The following SLC5A4 variants were observed in gnomAD, a reference collection of about 807,000 sequenced individuals.
The protein encoded by SLC5A4 is solute carrier family 5 member 4.
In SLC5A4, 55 loss-of-function variants were observed where a neutral mutation model predicts 70.3. The ratio of observed to expected loss-of-function variants is 0.78; its 90% CI spans 0.63 to 0.98. The LOEUF (loss-of-function observed/expected upper bound fraction) is 0.98, where lower values mean the gene tolerates loss of function less well. Ranked by LOEUF, SLC5A4 falls within the 50% of genes least tolerant of loss-of-function variation. SLC5A4 has a pLI of 0.00. For missense variants in SLC5A4, 735 were observed against 839.2 expected (o/e 0.88, Z 1.53); for synonymous variants, 268 against 305.7 (o/e 0.88, Z 1.29).
chr22:32,301,745 T>A, the SLC5A4 span, among the ~76,000 whole-genome samples: 2 of 152,098 alleles, frequency 1.3e-5, no homozygotes, highest in African/African-American at 4.8e-5. Flanking sequence ...AGACTCAGAC[T>A]TCCCAGTTTT....
the SLC5A4 span, among the ~76,000 whole-genome samples, chr22:32,293,050 A>G: frequency 6.6e-6 from 1 of 152,140 alleles, no homozygotes; most frequent in Non-Finnish European, 1.5e-5. Context: ...AATACTTCTC[A>G]TCTTTAAGTA....
the SLC5A4 span, chr22:32,269,741 G>T: frequency 1.6e-6 from 1 of 636,376 alleles, no homozygotes. The surrounding 1 kb of genome is among the most constrained non-coding windows in gnomAD (Gnocchi z 4.1). Context: ...CAGCTTTCCC[G>T]CTGTGCACCC....
the SLC5A4 span, among the ~76,000 whole-genome samples, chr22:32,286,400 G>A: frequency 6.6e-6 from 1 of 152,172 alleles, no homozygotes; most frequent in African/African-American, 2.4e-5. Context: ...TCACTGCAGG[G>A]AGGCTCTGTG....
the SLC5A4 span, among the ~76,000 whole-genome samples, chr22:32,296,427 T>C: frequency 2.6e-5 from 2 of 75,834 alleles, 1 homozygote; most frequent in Non-Finnish European, 5.4e-5. Context: ...CAATTGTGAA[T>C]GGGAGTTCAC....
At chr22:32,308,852 ATGCATGTG>A in the SLC5A4 span, among the ~76,000 whole-genome samples, 7 of 148,090 alleles carry the variant, frequency 4.7e-5, no homozygotes, top group Admixed American at 2.0e-4. Flanking sequence ...ATGCATATGT[ATGCATGTG>A]TGCATGTATG....
the SLC5A4 span, among the ~76,000 whole-genome samples, chr22:32,329,563 G>A: frequency 6.8e-6 from 1 of 147,804 alleles, no homozygotes; most frequent in Non-Finnish European, 1.5e-5. Flanking sequence ...GCTCTGGTGT[G>A]TGTGTTGCGG....
At chr22:32,302,261 T>TTTGTG in the SLC5A4 span, among the ~76,000 whole-genome samples, 1 of 149,882 alleles carries the variant, frequency 6.7e-6, no homozygotes, top group Non-Finnish European at 1.5e-5. Context: ...TTTTTTTTTT[T>TTTGTG]TGTGTCTAGC....
chr22:32,325,597 G>T, the SLC5A4 span, among the ~76,000 whole-genome samples: 1 of 152,242 alleles, frequency 6.6e-6, no homozygotes, highest in Non-Finnish European at 1.5e-5. Flanking sequence ...TGATCCCGAG[G>T]CTGTGGGGAG....
At chr22:32,218,907 C>T (rs966509271) in intron 14 of SLC5A4, among the ~76,000 whole-genome samples, 182 bp from the exon 15 acceptor site, 1 of 151,992 alleles carries the variant, frequency 6.6e-6, no homozygotes, top group Non-Finnish European at 1.5e-5. Flanking sequence ...TTGCATGGCA[C>T]GAAGTTCAAT....
At chr22:32,290,521 T>C in the SLC5A4 span, among the ~76,000 whole-genome samples, 1 of 152,242 alleles carries the variant, frequency 6.6e-6, no homozygotes, top group African/African-American at 2.4e-5. Context: ...ACTTTTTATT[T>C]TATATTTTCA....
In SLC5A4 at chr22:32,229,319, G is replaced by T; in HGVS notation, c.1155C>A (p.Val385=). The change falls in exon 11 of 15, where the codon GTC becomes GTA. Residue 385 remains valine, a synonymous_variant. Coordinates refer to ENST00000266086, the MANE Select transcript of SLC5A4 (RefSeq NM_014227.3). ...GGGAGCTCATGAGAGAGGCCAGCAT[G>T]ACCGAAAGCATCAGGCCTCGCAGTC... is the stretch of plus-strand genomic sequence containing the variant. ...PQGLRGLMLS[V]MLASLMSSLT... 1.2e-6 allele frequency: 2 copies of T among 1,614,166 alleles called. No homozygotes were observed. Among genetic ancestry groups the T allele is most frequent in the Non-Finnish European group, 1.7e-6 (2 of 1,180,002 alleles).
chr22:32,317,976 A>G, the SLC5A4 span, among the ~76,000 whole-genome samples: 1 of 152,168 alleles, frequency 6.6e-6, no homozygotes, highest in African/African-American at 2.4e-5. Flanking sequence ...CAAGGTCACC[A>G]AAGACCTCCA....
chr22:32,239,493 C>T lies in SLC5A4; in HGVS notation c.478-403G>A, dbSNP rs1246100331. ...GCTGCAGTGAGCAGTAATTGAGTCA[C>T]TGCACTCCAGCCTGGGAGTGCATAT... On this transcript the variant is annotated intron_variant, in intron 5 of 14. Transcript: ENST00000266086. Among the ~76,000 whole-genome samples the T allele has an allele frequency of 1.7e-4, 20 of 115,688 alleles. 1 individual carries two copies. The highest frequency in any genetic ancestry group is 4.8e-4 in the African/African-American group (15 of 31,240). The allele number at this position is 115,688 out of a possible 152,430, so 75.9% of individuals were successfully genotyped here.
chr22:32,297,136 C>T, the SLC5A4 span, among the ~76,000 whole-genome samples: 3 of 152,132 alleles, frequency 2.0e-5, no homozygotes, highest in Middle Eastern at 0.01. Context: ...GTGTCTCTGC[C>T]TGGCTTTGGT....
chr22:32,281,143 A>G, the SLC5A4 span, among the ~76,000 whole-genome samples: 25,425 of 152,170 alleles, frequency 0.17, 2,295 homozygotes, highest in African/African-American at 0.19. Flanking sequence ...CCTGCCTCTC[A>G]GGCTCATCCT....
chr22:32,246,244 G>A (rs1161807558), intron 5 of SLC5A4, among the ~76,000 whole-genome samples: 2 of 152,144 alleles, frequency 1.3e-5, no homozygotes, highest in Admixed American at 1.3e-4. Flanking sequence ...AGTCAGTGCT[G>A]GGCAATGCTC....
At chr22:32,255,133 C>A in intron 1 of SLC5A4, 62 bp downstream of exon 1, 4 of 1,463,368 alleles carry the variant, frequency 2.7e-6, no homozygotes, top group Non-Finnish European at 3.8e-6. Context: ...ACCCCTTCCC[C>A]CCTTAAGATA....
the SLC5A4 span, among the ~76,000 whole-genome samples, chr22:32,328,609 C>T: frequency 6.7e-6 from 1 of 149,776 alleles, no homozygotes; most frequent in East Asian, 2.2e-4. Flanking sequence ...CCCAGCAGTG[C>T]CTTGAGAATG....
chr22:32,338,197 AC>A, the SLC5A4 span, among the ~76,000 whole-genome samples: 8 of 152,258 alleles, frequency 5.3e-5, no homozygotes, highest in African/African-American at 1.9e-4. Context: ...ATGTACACAG[AC>A]AAGAACACCA....
Sources: allele counts gnomAD v4.1 joint callset (sites outside exome capture counted in the v4.1 genomes callset), GRCh38; gene constraint gnomAD v4.1.1; non-coding constraint Gnocchi (gnomAD v3.1); transcripts MANE v1.5; gene names NCBI Gene and HGNC (gene_info 2026-07-23, HGNC 2026-07-21).